The following VIPR2 variants were observed in gnomAD, a reference collection of about 807,000 sequenced individuals.
VIPR2 encodes vasoactive intestinal polypeptide receptor 2.
VIPR2 carries 48 observed loss-of-function variants against 58.0 expected under a neutral mutation model. That is an observed-to-expected ratio of 0.83 (90% CI 0.66 to 1.05). The LOEUF is 1.05. Ranked by LOEUF, VIPR2 falls within the 50% of genes least tolerant of loss-of-function variation. The pLI is 0.00. For synonymous variants in VIPR2, 243 were observed against 235.2 expected (o/e 1.03, Z -0.30); for missense variants, 534 against 558.0 (o/e 0.96, Z 0.43).
chr7:159,111,990 G>A (rs1335552808), intron 2 of VIPR2, among the ~76,000 whole-genome samples: 17 of 152,134 alleles, frequency 1.1e-4, no homozygotes. Context: ...CAGCCCGGGC[G>A]ACAGAGCGAG....
chr7:159,118,225 G>A (rs1176498011), intron 2 of VIPR2, among the ~76,000 whole-genome samples: 2 of 152,210 alleles, frequency 1.3e-5, no homozygotes, highest in East Asian at 1.9e-4. Flanking sequence ...TGTCTGAGTG[G>A]TTGAGTTCTC....
rs1445291609 is a variant in VIPR2 at position 159,058,480 on chromosome 7, C to T, written c.455+1G>A. 1 of 1,611,636 alleles carries T rather than the reference C, an allele frequency of 6.2e-7. No individual in the cohort carries two copies. Among genetic ancestry groups the T allele is most frequent in the Admixed American group, 1.7e-5 (1 of 60,018 alleles). Reference sequence around the variant, plus strand: ...CAGAATTACTAATTTCTGCTCCTTACCTGAAGAGGCACAGAATTATGCTTC... The same window carrying T: ...CAGAATTACTAATTTCTGCTCCTTATCTGAAGAGGCACAGAATTATGCTTC... On this transcript the variant is annotated splice_donor_variant, in intron 5 of 12. Transcript: ENST00000262178. LOFTEE classifies it high-confidence loss of function.
intron 4 of VIPR2, among the ~76,000 whole-genome samples, chr7:159,088,764 C>G (rs539899620): frequency 5.3e-4 from 80 of 152,380 alleles, no homozygotes; most frequent in African/African-American, 1.9e-3. Flanking sequence ...TTCAGCTACT[C>G]TGGTCACAGC....
At position 159,128,972 on chromosome 7, in the gene VIPR2, C is replaced by T. The variant is rs1796761714; in HGVS notation, c.151+13474G>A. ...GCCAGCCCGAGCGCCAGTGTAAATGCACCCCCTCCCTCCTGTGAGCTCCCA... is the reference window on the plus strand; with the variant it reads ...GCCAGCCCGAGCGCCAGTGTAAATGTACCCCCTCCCTCCTGTGAGCTCCCA... On this transcript the variant is annotated intron_variant, in intron 2 of 12. Coordinates refer to ENST00000262178, the MANE Select transcript of VIPR2 (RefSeq NM_003382.5). The surrounding 1 kb of genome is among the most constrained non-coding windows in gnomAD (Gnocchi z 4.1). 6.6e-6 allele frequency among the ~76,000 whole-genome samples: 1 copy of T among 152,324 alleles called. No individual in the cohort carries two copies. The highest frequency in any genetic ancestry group is 1.5e-5 in the Non-Finnish European group (1 of 68,032).
chr7:159,137,248 C>G (rs1006389907), intron 2 of VIPR2, among the ~76,000 whole-genome samples: 3 of 152,186 alleles, frequency 2.0e-5, no homozygotes, highest in African/African-American at 7.2e-5. Context: ...GAGTGGCCCA[C>G]TCCTTCACCT....
Position 159,084,371 on chromosome 7 carries a change from G to A in VIPR2, c.357+19386C>T, listed in dbSNP as rs561482956. Among the ~76,000 whole-genome samples the A allele has an allele frequency of 2.3e-4, 35 of 152,342 alleles. No individual in the cohort carries two copies. The East Asian group carries it at 4.1e-3, about 18-fold the overall frequency. On this transcript the variant is annotated intron_variant, in intron 4 of 12. Transcript: ENST00000262178. Reference sequence around the variant, plus strand: ...GGCAGGCGGCTGGGCACGCTGGAGGGCAGTGCCGCCAGGTGAGACAGGAAC... The same window carrying A: ...GGCAGGCGGCTGGGCACGCTGGAGGACAGTGCCGCCAGGTGAGACAGGAAC...
At chr7:159,123,046 G>A (rs1242424643) in intron 2 of VIPR2, among the ~76,000 whole-genome samples, 1 of 152,054 alleles carries the variant, frequency 6.6e-6, no homozygotes, top group Non-Finnish European at 1.5e-5. Flanking sequence ...TGCAATCCCA[G>A]TACTTTGGGA....
intron 4 of VIPR2, among the ~76,000 whole-genome samples, chr7:159,082,415 T>G (rs548825733): frequency 6.6e-6 from 1 of 151,168 alleles, no homozygotes; most frequent in East Asian, 1.9e-4. Flanking sequence ...AATTGAACAA[T>G]GAGAACACAT....
chr7:159,079,060 GACAGGAATGCTGAATGGCCGC>G (rs778127679), intron 4 of VIPR2, among the ~76,000 whole-genome samples: 2 of 152,126 alleles, frequency 1.3e-5, no homozygotes, highest in Non-Finnish European at 2.9e-5. Flanking sequence ...GATGGGTGGT[GACAGGAATGCTGAATGGCCGC>G]ACTCTCAGCT....
chr7:159,053,278 A>T (rs892260067), intron 5 of VIPR2, among the ~76,000 whole-genome samples: 9 of 152,086 alleles, frequency 5.9e-5, no homozygotes, highest in African/African-American at 2.2e-4. Flanking sequence ...ACTAAAATAA[A>T]TTTTTTCAAG....
chr7:159,062,055 G>A (rs1178935590), intron 4 of VIPR2, among the ~76,000 whole-genome samples: 2 of 152,242 alleles, frequency 1.3e-5, no homozygotes. Flanking sequence ...AGGGCGAGGT[G>A]TGGGGTCTTC....
Position 159,083,246 on chromosome 7 carries a change from C to T in VIPR2, c.357+20511G>A, listed in dbSNP as rs183430479. Among the ~76,000 whole-genome samples, 402 of 152,336 alleles carry T rather than the reference C, an allele frequency of 2.6e-3. 1 individual carries two copies. Among genetic ancestry groups the T allele is most frequent in the African/African-American group, 9.3e-3 (387 of 41,584 alleles). Reference sequence around the variant, plus strand: ...AGCCTGCCCCACTGCTCTGCAGAGCCTCTTCCCTTCATCTTTGTCTGGGTG... The same window carrying T: ...AGCCTGCCCCACTGCTCTGCAGAGCTTCTTCCCTTCATCTTTGTCTGGGTG... On this transcript the variant is annotated intron_variant, in intron 4 of 12. Coordinates refer to ENST00000262178, the MANE Select transcript of VIPR2 (RefSeq NM_003382.5).
chr7:159,059,277 G>A (rs1051645744), intron 4 of VIPR2: 1 of 471,226 alleles, frequency 2.1e-6, no homozygotes, highest in Admixed American at 2.3e-5. Flanking sequence ...ATAAAAACCA[G>A]CAACACCTGC....
chr7:159,036,743 C>T lies in VIPR2; in HGVS notation c.748+9G>A, dbSNP rs767590939. 6.2e-7 allele frequency: 1 copy of T among 1,607,970 alleles called. No individual in the cohort carries two copies. The highest frequency in any genetic ancestry group is 8.5e-7 in the Non-Finnish European group (1 of 1,176,090). On this transcript the variant is annotated intron_variant, in intron 7 of 12. Transcript: ENST00000262178. ...TGGAGGGTTTGTGGGTGGGAAGGGG[C>T]ACACTTACCCCATCCGATCAGGAGG... is the stretch of plus-strand genomic sequence containing the variant.
At chr7:159,115,793 G>A (rs141092742) in intron 2 of VIPR2, among the ~76,000 whole-genome samples, 140 of 152,370 alleles carry the variant, frequency 9.2e-4, no homozygotes, top group African/African-American at 3.3e-3. Context: ...GGCAAAGCTG[G>A]TGTCCGAGCT....
intron 2 of VIPR2, among the ~76,000 whole-genome samples, chr7:159,110,498 A>G (rs992148540): frequency 1.3e-5 from 2 of 152,224 alleles, no homozygotes; most frequent in African/African-American, 2.4e-5. Context: ...TGTTGCATTA[A>G]TTATCTTCCA....
chr7:159,046,244 T>C (rs934280426), intron 5 of VIPR2, among the ~76,000 whole-genome samples: 1 of 152,156 alleles, frequency 6.6e-6, no homozygotes, highest in Non-Finnish European at 1.5e-5. Context: ...GAAACAAGTT[T>C]TCAAACAAAA....
chr7:159,043,520 C>T lies in VIPR2; in HGVS notation c.456-344G>A, dbSNP rs139688627. Among the ~76,000 whole-genome samples, 12 of 151,922 alleles carry T rather than the reference C, an allele frequency of 7.9e-5. 1 individual carries two copies. The East Asian group carries it at 2.1e-3, about 27-fold the overall frequency. ...TCAGTGAAAATGGTGGTGTAGGGAC[C>T]ATTCAAGAAACAACAACAACAACAA... On this transcript the variant is annotated intron_variant, in intron 5 of 12. Transcript: ENST00000262178.
intron 4 of VIPR2, among the ~76,000 whole-genome samples, chr7:159,080,662 A>G (rs904380407): frequency 6.6e-5 from 10 of 152,222 alleles, no homozygotes; most frequent in Non-Finnish European, 1.5e-4. Context: ...AATTAGGAAA[A>G]GAGGAAGTCA....
Sources: allele counts gnomAD v4.1 joint callset (sites outside exome capture counted in the v4.1 genomes callset), GRCh38; gene constraint gnomAD v4.1.1; non-coding constraint Gnocchi (gnomAD v3.1); transcripts MANE v1.5; gene names NCBI Gene and HGNC (gene_info 2026-07-23, HGNC 2026-07-21).